The following GRM1 variants were observed in gnomAD, a reference collection of about 807,000 sequenced individuals.
The protein encoded by GRM1 is glutamate metabotropic receptor 1, also known as metabotropic glutamate receptor 1.
Under a neutral mutation model 90.9 loss-of-function variants are expected in GRM1, and 33 were observed. That is an observed-to-expected ratio of 0.36 (90% CI 0.28 to 0.49). The LOEUF is 0.49. Ranked by LOEUF, GRM1 falls within the 20% of genes least tolerant of loss-of-function variation. GRM1 has a pLI of 0.99. For synonymous variants in GRM1, 700 were observed against 613.2 expected (o/e 1.14, Z -2.09); for missense variants, 1,190 against 1,534.3 (o/e 0.78, Z 3.75).
intron 2 of GRM1, among the ~76,000 whole-genome samples, chr6:146,302,382 T>C (rs1783421945): frequency 6.7e-6 from 1 of 150,156 alleles, no homozygotes; most frequent in Admixed American, 6.7e-5. Context: ...TGGTCACTTT[T>C]TTTTTTTGAG....
At chr6:146,080,089 C>T (rs142007815) in intron 1 of GRM1, among the ~76,000 whole-genome samples, 183 of 152,070 alleles carry the variant, frequency 1.2e-3, no homozygotes, top group African/African-American at 4.1e-3. Flanking sequence ...TTTTGGTGGC[C>T]GAAGGACTCG....
intron 1 of GRM1, among the ~76,000 whole-genome samples, chr6:146,037,031 C>G (rs1490084942): frequency 2.0e-5 from 3 of 151,870 alleles, no homozygotes; most frequent in Non-Finnish European, 4.4e-5. Context: ...GAAAAATGCA[C>G]AAAACATATG....
At chr6:146,074,430 A>G (rs1390558925) in intron 1 of GRM1, among the ~76,000 whole-genome samples, 3 of 152,094 alleles carry the variant, frequency 2.0e-5, no homozygotes, top group East Asian at 1.9e-4. Context: ...GAGAACTCAC[A>G]GGGTTATTGA....
intron 1 of GRM1, among the ~76,000 whole-genome samples, chr6:146,033,064 T>C (rs961991006): frequency 3.9e-5 from 6 of 152,148 alleles, no homozygotes; most frequent in African/African-American, 1.4e-4. Context: ...CAATTATCAA[T>C]TTACATAAAA....
chr6:146,238,931 AT>A (rs1313912531), intron 2 of GRM1, among the ~76,000 whole-genome samples: 3 of 152,176 alleles, frequency 2.0e-5, no homozygotes, highest in Non-Finnish European at 4.4e-5. Flanking sequence ...TGCACATTGC[AT>A]TAATAGTTCA....
At chr6:146,138,350 A>AT (rs1268745967) in intron 1 of GRM1, among the ~76,000 whole-genome samples, 2 of 151,660 alleles carry the variant, frequency 1.3e-5, no homozygotes, top group Admixed American at 6.6e-5. Context: ...AGTTTTTGAG[A>AT]TTTTTTTATT....
chr6:146,043,796 T>TATATATATAGATATATAG (rs1554260530), intron 1 of GRM1, among the ~76,000 whole-genome samples: 1 of 137,940 alleles, frequency 7.2e-6, no homozygotes, highest in Non-Finnish European at 1.6e-5. Flanking sequence ...TATATATATA[T>TATATATATAGATATATAG]ATATATATAT....
intron 6 of GRM1, among the ~76,000 whole-genome samples, chr6:146,395,090 G>T (rs562685390): frequency 6.6e-6 from 1 of 152,016 alleles, no homozygotes; most frequent in African/African-American, 2.4e-5. Flanking sequence ...GATATCTACA[G>T]ATTTTCTTCC....
chr6:146,297,119 A>C (rs1219318165), intron 2 of GRM1, among the ~76,000 whole-genome samples: 1 of 152,068 alleles, frequency 6.6e-6, no homozygotes, highest in Non-Finnish European at 1.5e-5. Context: ...ATTCAGGAGA[A>C]TATCTGCATT....
At chr6:146,227,103 T>C (rs185135287) in intron 2 of GRM1, among the ~76,000 whole-genome samples, 2 of 152,132 alleles carry the variant, frequency 1.3e-5, no homozygotes, top group African/African-American at 2.4e-5. Context: ...TTTAGTGCAA[T>C]TATATCAATT....
In GRM1 at chr6:146,434,059, A is replaced by C; in HGVS notation, c.2848A>C (p.Ser950Arg). The change falls in exon 8 of 8, where the codon AGC (serine) becomes CGC (arginine). Residue 950 changes from serine (S) to arginine (R), a missense_variant. Ser to Arg is a moderately radical substitution (Grantham distance 110). This residue lies in a region of GRM1 where 400 missense variants were observed against 360.8 expected (regional missense o/e 1.11). Transcript: ENST00000282753. Reference protein sequence around the residue: ...SGKSLTFSDTSTKTLYNVEEE... With the variant: ...SGKSLTFSDTRTKTLYNVEEE... ...CAAGAGCCTGACCTTTTCAGATACC[A>C]GCACCAAGACCCTTTACAACGTAGA... is the stretch of plus-strand genomic sequence containing the variant. 6.2e-7 allele frequency: 1 copy of C among 1,614,168 alleles called. No homozygotes were observed.
intron 1 of GRM1, among the ~76,000 whole-genome samples, chr6:146,118,970 T>A (rs1172679170): frequency 6.6e-6 from 1 of 152,242 alleles, no homozygotes; most frequent in Non-Finnish European, 1.5e-5. Flanking sequence ...ATGGGATTGC[T>A]GGATCAAATG....
intron 1 of GRM1, among the ~76,000 whole-genome samples, chr6:146,081,214 A>T (rs1436183187): frequency 3.9e-5 from 6 of 152,208 alleles, no homozygotes; most frequent in Non-Finnish European, 5.9e-5. Flanking sequence ...CTGTGATAAA[A>T]TGTTAACATT....
chr6:146,106,610 G>A (rs1775311870), intron 1 of GRM1, among the ~76,000 whole-genome samples: 3 of 152,082 alleles, frequency 2.0e-5, no homozygotes, highest in South Asian at 4.1e-4. Context: ...TGTTATAAGG[G>A]GCTACATCTC....
chr6:146,309,930 T>G (rs184955112), intron 3 of GRM1, among the ~76,000 whole-genome samples: 2 of 152,358 alleles, frequency 1.3e-5, no homozygotes, highest in African/African-American at 4.8e-5. Context: ...TTCATGGGGT[T>G]TATTCTGTCC....
At chr6:146,064,643 A>G (rs923612452) in intron 1 of GRM1, among the ~76,000 whole-genome samples, 8 of 151,848 alleles carry the variant, frequency 5.3e-5, no homozygotes, top group Non-Finnish European at 1.0e-4. Context: ...ATAAAAAACA[A>G]GGGGTCAGAT....
At chr6:146,254,702 A>G (rs1781423601) in intron 2 of GRM1, among the ~76,000 whole-genome samples, 1 of 152,196 alleles carries the variant, frequency 6.6e-6, no homozygotes, top group South Asian at 2.1e-4. Context: ...GCCCCACTAA[A>G]TTGATTTCAT....
chr6:146,436,134 T>C lies in GRM1; in HGVS notation c.*1338T>C, dbSNP rs1022540084. The C allele has an allele frequency of 6.6e-6, 1 of 152,550 alleles. No homozygotes were observed. The highest frequency in any genetic ancestry group is 2.4e-5 in the African/African-American group (1 of 41,454). 9.4% of individuals were successfully genotyped at this position (152,550 alleles called of 1,614,324 possible). On this transcript the variant is annotated 3_prime_UTR_variant, in exon 8 of 8. Coordinates refer to ENST00000282753, the MANE Select transcript of GRM1 (RefSeq NM_001278064.2). The stretch of plus-strand genomic sequence containing the variant: ...ATTAGAAATTGTCTTTTGAATATAC[T>C]ATATATATTTTTTATGTTCCAATAA...
At chr6:146,260,767 T>C (rs1167603433) in intron 2 of GRM1, among the ~76,000 whole-genome samples, 1 of 150,704 alleles carries the variant, frequency 6.6e-6, no homozygotes, top group Admixed American at 6.6e-5. Context: ...GAAAAATGTC[T>C]TCAGTCCTTT....
Sources: allele counts gnomAD v4.1 joint callset (sites outside exome capture counted in the v4.1 genomes callset), GRCh38; gene constraint gnomAD v4.1.1; regional missense constraint gnomAD v4.1.1; transcripts MANE v1.5; gene names NCBI Gene and HGNC (gene_info 2026-07-23, HGNC 2026-07-21).